The following MICAL2 variants were observed in gnomAD, a reference collection of about 807,000 sequenced individuals.
The protein encoded by MICAL2 is microtubule associated monooxygenase, calponin and LIM domain containing 2.
Under a neutral mutation model 127.3 loss-of-function variants are expected in MICAL2, and 77 were observed. That is an observed-to-expected ratio of 0.60 (90% CI 0.50 to 0.73). The LOEUF is 0.73. MICAL2 is among the 30% of genes least tolerant of loss of function. The probability of loss-of-function intolerance (pLI) is 0.00; values close to 1 mark genes in which losing one functional copy is unlikely to be tolerated. For synonymous variants in MICAL2, 570 were observed against 551.1 expected, an observed-to-expected ratio of 1.03 and a Z score of -0.48; for missense variants, 1,351 against 1,434.4, an observed-to-expected ratio of 0.94 and a Z score of 0.94.
chr11:12,173,872 ATTCTT>A (rs1277066192), intron 3 of MICAL2, among the ~76,000 whole-genome samples: 2 of 152,242 alleles, frequency 1.3e-5, no homozygotes, highest in Middle Eastern at 3.4e-3. Context: ...TTGGAATTTC[ATTCTT>A]TTCTTTTTCA....
At chr11:12,325,074 C>T (rs1864339812) in intron 31 of MICAL2, among the ~76,000 whole-genome samples, 2 of 152,018 alleles carry the variant, frequency 1.3e-5, no homozygotes, top group African/African-American at 4.8e-5. Flanking sequence ...CCTTTTTAAT[C>T]TCTGAGACTT....
downstream of MICAL2, among the ~76,000 whole-genome samples, chr11:12,291,292 T>G (rs925844344): frequency 9.9e-5 from 15 of 152,112 alleles, no homozygotes; most frequent in African/African-American, 3.6e-4. Context: ...AGATTTTAGA[T>G]TTAAGGTTAC....
At chr11:12,215,346 C>T (rs1856005807) in intron 7 of MICAL2, among the ~76,000 whole-genome samples, 1 of 152,136 alleles carries the variant, frequency 6.6e-6, no homozygotes, top group Non-Finnish European at 1.5e-5. Flanking sequence ...TAAAGGTGCT[C>T]CTATGGTTAC....
chr11:12,147,345 T>C (rs1256274164), intron 2 of MICAL2, among the ~76,000 whole-genome samples: 2 of 152,124 alleles, frequency 1.3e-5, no homozygotes, highest in Non-Finnish European at 2.9e-5. Context: ...AACAAACATA[T>C]ACTACCTACT....
chr11:12,260,337 TG>T, intron 26 of MICAL2: 3 of 1,407,278 alleles, frequency 2.1e-6, no homozygotes, highest in Non-Finnish European at 2.8e-6. Flanking sequence ...CTTATCAGGG[TG>T]AACATCTACT....
intron 7 of MICAL2, 34 bp from the exon 8 acceptor site, chr11:12,216,185 G>GT (rs1351570345): frequency 6.6e-7 from 1 of 1,509,608 alleles, no homozygotes; most frequent in African/African-American, 1.4e-5. Flanking sequence ...TGCCGAGGAA[G>GT]TAACACTGAG....
intron 3 of MICAL2, among the ~76,000 whole-genome samples, chr11:12,162,984 G>A (rs1055080912): frequency 1.1e-4 from 17 of 152,104 alleles, no homozygotes; most frequent in Admixed American, 3.3e-4. Flanking sequence ...GGATTAATTG[G>A]CTAAGAAATA....
At chr11:12,188,818 C>T (rs1858675460) in intron 3 of MICAL2, among the ~76,000 whole-genome samples, 1 of 152,134 alleles carries the variant, frequency 6.6e-6, no homozygotes, top group Non-Finnish European at 1.5e-5. Flanking sequence ...TGAAATTGAA[C>T]ATAGCATACC....
chr11:12,220,108 G>A, intron 8 of MICAL2, 93 bp from the exon 9 acceptor site: 1 of 1,470,738 alleles, frequency 6.8e-7, no homozygotes, highest in South Asian at 1.2e-5. Context: ...CCTCACTGTA[G>A]GGACCCATTC....
rs1285904577 is a variant in MICAL2, at chr11:12,226,283, T to A, written c.1801T>A (p.Ser601Thr). 1.2e-6 allele frequency: 2 copies of A among 1,614,254 alleles called. No individual in the cohort carries two copies. Among genetic ancestry groups the A allele is most frequent in the Non-Finnish European group, 1.7e-6 (2 of 1,180,038 alleles). The change falls in exon 14 of 28, where the codon TCT becomes ACT. Residue 601 changes from serine to threonine, a missense_variant. By Grantham distance (58) the Ser-to-Thr change is moderately conservative. This residue lies in a region of MICAL2 where 752 missense variants were observed against 719.4 expected (regional missense o/e 1.05). Transcript: ENST00000683283. ...AGTGACCACGGGCAAAGAGATGGCA[T>A]CTGCCCAGGAGCCTGACAAGCTCAG... ...PPVTTGKEMA[S>T]AQEPDKLSMV...
At chr11:12,282,062 C>A (rs1223784456) in intron 2 of MICAL2, among the ~76,000 whole-genome samples, 1 of 152,072 alleles carries the variant, frequency 6.6e-6, no homozygotes, top group Non-Finnish European at 1.5e-5. Flanking sequence ...CCACCTGGTC[C>A]GTGAAATGTT....
At chr11:12,342,707 T>G (rs1412637822) in intron 32 of MICAL2, among the ~76,000 whole-genome samples, 1 of 152,188 alleles carries the variant, frequency 6.6e-6, no homozygotes, top group East Asian at 1.9e-4. Flanking sequence ...TAATCCAATT[T>G]ATAAGGTAGG....
Position 12,313,625 on chromosome 11 carries a change from G to C in MICAL2, c.5213-6071G>C, listed in dbSNP as rs118038490. 5.9e-5 allele frequency among the ~76,000 whole-genome samples: 9 copies of C among 152,138 alleles called. No individual in the cohort carries two copies. In the East Asian group the frequency reaches 1.7e-3, roughly 29 times the overall value. ...TGTACATAGATATTAATATACTCTA[G>C]TTATTGGATGTGATATTCTATATTT... On this transcript the variant is annotated intron_variant, in intron 29 of 34. Coordinates refer to the MICAL2 transcript ENST00000646065.
intron 3 of MICAL2, among the ~76,000 whole-genome samples, chr11:12,193,095 A>G (rs1385626016): frequency 6.6e-6 from 1 of 152,184 alleles, no homozygotes; most frequent in Non-Finnish European, 1.5e-5. Context: ...ATGTTCATTC[A>G]AGGGCTGGTG....
intron 22 of MICAL2, chr11:12,250,000 CCAT>C (rs1226392108): frequency 1.3e-5 from 2 of 152,246 alleles, no homozygotes; most frequent in East Asian, 3.9e-4. Context: ...TAGGCGGGGA[CCAT>C]CATTCTGCGT....
chr11:12,217,774 C>T (rs2134238891), intron 8 of MICAL2, among the ~76,000 whole-genome samples: 1 of 152,282 alleles, frequency 6.6e-6, no homozygotes, highest in Middle Eastern at 3.4e-3. Flanking sequence ...TTGTCTTCAC[C>T]AAGGCCTTTC....
At chr11:12,223,341 C>A in intron 11 of MICAL2, 70 bp from the exon 12 acceptor site, 1 of 1,369,330 alleles carries the variant, frequency 7.3e-7, no homozygotes, top group South Asian at 1.2e-5. Context: ...GGGGGTGGGT[C>A]GAGTTTAGGG....
rs908627909 is a variant in MICAL2 at position 12,236,209 on chromosome 11, C to G, written c.2028C>G (p.Asn676Lys). ...VDGQTGENDMNKRRRKGFTNL... is the reference protein window; with the variant it reads ...VDGQTGENDMKKRRRKGFTNL... ...GTCAAACCGGAGAGAATGACATGAA[C>G]AAACGGAGACGGAAGGGCTTCACCA... Residue 676 changes from asparagine to lysine, a missense_variant, in exon 16 of 28, where the codon AAC becomes AAG. Asn to Lys is a moderately conservative substitution (Grantham distance 94). This residue lies in a region of MICAL2 where 752 missense variants were observed against 719.4 expected (regional missense o/e 1.05). Coordinates refer to ENST00000683283, the MANE Select transcript of MICAL2 (RefSeq NM_001282663.2). 52 of 1,614,074 alleles carry G rather than the reference C, an allele frequency of 3.2e-5. No homozygotes were observed. Among genetic ancestry groups the G allele is most frequent in the Non-Finnish European group, 4.3e-5 (51 of 1,180,050 alleles).
At chr11:12,192,254 C>T (rs576255135) in intron 3 of MICAL2, among the ~76,000 whole-genome samples, 1 of 152,336 alleles carries the variant, frequency 6.6e-6, no homozygotes, top group African/African-American at 2.4e-5. Flanking sequence ...GTGGGCAGGG[C>T]AGCTCGCCAG....
Sources: gnomAD v4.1 joint callset for allele counts (sites outside exome capture counted in the v4.1 genomes callset) on GRCh38, gnomAD v4.1.1 for gene constraint, gnomAD v4.1.1 regional missense constraint, MANE v1.5 for transcripts, NCBI Gene and HGNC (gene_info 2026-07-23, HGNC 2026-07-21) for gene names.